Variants in ELAPOR2 observed in about 807,000 individuals in gnomAD.
The protein encoded by ELAPOR2 is endosome/lysosome-associated apoptosis and autophagy regulator family member 2.
ELAPOR2 carries 89 observed loss-of-function variants against 120.7 expected under a neutral mutation model. The observed-to-expected ratio is 0.74, with a 90% CI of 0.62 to 0.88. The LOEUF is 0.88. Ranked by LOEUF, ELAPOR2 falls within the 40% of genes least tolerant of loss-of-function variation. The pLI, the probability that ELAPOR2 is intolerant of heterozygous loss-of-function variation, is 0.00. For missense variants in ELAPOR2, 1,134 were observed against 1,251.6 expected (o/e 0.91, Z 1.42); for synonymous variants, 444 against 444.9 (o/e 1.00, Z 0.03).
chr7:86,989,530 G>C (rs986449054), intron 1 of ELAPOR2, among the ~76,000 whole-genome samples: 1 of 152,290 alleles, frequency 6.6e-6, no homozygotes, highest in East Asian at 1.9e-4. Context: ...GAAAACAGCC[G>C]TGCCACTGCC....
chr7:87,019,867 A>T (rs1362214733), intron 1 of ELAPOR2, among the ~76,000 whole-genome samples: 1 of 152,198 alleles, frequency 6.6e-6, no homozygotes, highest in African/African-American at 2.4e-5. Flanking sequence ...GTCAAAAGCT[A>T]AACTTTTATC....
intron 1 of ELAPOR2, among the ~76,000 whole-genome samples, chr7:87,032,418 A>G (rs541389984): frequency 6.6e-6 from 1 of 152,342 alleles, no homozygotes; most frequent in Non-Finnish European, 1.5e-5. Context: ...AAAAACAAAA[A>G]GATGTAAAAT....
At chr7:87,022,185 C>T (rs916931293) in intron 1 of ELAPOR2, among the ~76,000 whole-genome samples, 6 of 151,436 alleles carry the variant, frequency 4.0e-5, no homozygotes, top group African/African-American at 1.5e-4. Context: ...CCAATTAACT[C>T]GTCATTTAAC....
chr7:86,899,378 T>C (rs1188662864), intron 18 of ELAPOR2, among the ~76,000 whole-genome samples: 1 of 152,142 alleles, frequency 6.6e-6, no homozygotes, highest in Non-Finnish European at 1.5e-5. Context: ...GCCACATAAA[T>C]ATAGGCTTTG....
chr7:87,050,848 G>A (rs1795079378), intron 1 of ELAPOR2, among the ~76,000 whole-genome samples: 1 of 152,194 alleles, frequency 6.6e-6, no homozygotes, highest in Non-Finnish European at 1.5e-5. Flanking sequence ...TTGCTGATAG[G>A]ATGGATGTAG....
Position 86,907,736 on chromosome 7 carries a change from C to G in ELAPOR2, c.2492G>C (p.Arg831Pro). The change falls in exon 18 of 22, where the codon CGA (arginine) becomes CCA (proline). Residue 831 changes from arginine to proline, a missense_variant. Arg to Pro is a moderately radical substitution (Grantham distance 103). Around this residue, in one of 3 missense-constraint regions of ELAPOR2, gnomAD observed 831 missense variants for 867.6 expected, o/e 0.96. Coordinates refer to ENST00000450689, the MANE Select transcript of ELAPOR2 (RefSeq NM_001142749.3). ...ACACCTCATTTTCACAGCAGTTGATCGGCCATTAATACAAGATGTTGTTGC... is the reference window on the plus strand; with the variant it reads ...ACACCTCATTTTCACAGCAGTTGATGGGCCATTAATACAAGATGTTGTTGC... ...STATTSCINGRSTAVKMRCNP... is the reference protein window; with the variant it reads ...STATTSCINGPSTAVKMRCNP... 1 of 1,573,726 alleles carries G rather than the reference C, an allele frequency of 6.4e-7. No individual in the cohort carries two copies.
At chr7:87,022,154 G>C (rs1584003919) in intron 1 of ELAPOR2, among the ~76,000 whole-genome samples, 2 of 152,102 alleles carry the variant, frequency 1.3e-5, no homozygotes, top group East Asian at 3.9e-4. Context: ...ATGTATACAT[G>C]TGCCATGTTG....
chr7:86,905,578 A>C (rs974545032), intron 18 of ELAPOR2, among the ~76,000 whole-genome samples: 2 of 152,110 alleles, frequency 1.3e-5, no homozygotes, highest in African/African-American at 2.4e-5. Context: ...AGACTGTCAC[A>C]TTTTAAATTA....
At chr7:86,910,178 A>G (rs1031322156) in intron 15 of ELAPOR2, among the ~76,000 whole-genome samples, 177 bp from the exon 16 acceptor site, 3 of 152,072 alleles carry the variant, frequency 2.0e-5, no homozygotes, top group Non-Finnish European at 2.9e-5. Flanking sequence ...GCTCTCAAGG[A>G]AAGTCCAATA....
intron 2 of ELAPOR2, among the ~76,000 whole-genome samples, chr7:86,959,735 C>T (rs1344555677): frequency 1.3e-5 from 2 of 152,038 alleles, no homozygotes; most frequent in Non-Finnish European, 2.9e-5. Flanking sequence ...GTATTTTGCT[C>T]TAATCTTCAT....
rs191443090 is a variant in ELAPOR2, at chr7:86,889,100, G to A, written c.3030+2624C>T. Among the ~76,000 whole-genome samples, 95 of 152,172 alleles carry A rather than the reference G, an allele frequency of 6.2e-4. 2 individuals are homozygous for A. The highest frequency in any genetic ancestry group is 4.4e-5 in the Non-Finnish European group (3 of 67,978). On this transcript the variant is annotated intron_variant, in intron 21 of 21. Transcript: ENST00000450689. ...TAAAATTTGCCTTTGACCTTAGCTT[G>A]AAGTAATCAATTACACCACCTCAGC... is the stretch of plus-strand genomic sequence containing the variant.
chr7:86,997,312 G>GA (rs34802170), intron 1 of ELAPOR2, among the ~76,000 whole-genome samples: 33,414 of 151,964 alleles, frequency 0.22, 3,873 homozygotes, highest in African/African-American at 0.24. Flanking sequence ...ATCACAAAAA[G>GA]AAGCCACTAT....
At chr7:86,988,166 G>C (rs1792820304) in intron 1 of ELAPOR2, among the ~76,000 whole-genome samples, 1 of 152,100 alleles carries the variant, frequency 6.6e-6, no homozygotes, top group Non-Finnish European at 1.5e-5. Flanking sequence ...TTGGTCACAG[G>C]GTAGGGAATA....
chr7:86,946,159 TCACACACACA>T (rs3223108), intron 3 of ELAPOR2, among the ~76,000 whole-genome samples: 38 of 146,290 alleles, frequency 2.6e-4, no homozygotes, highest in Non-Finnish European at 2.1e-4. Context: ...ATACCATTTC[TCACACACACA>T]CACACACACA....
intron 1 of ELAPOR2, among the ~76,000 whole-genome samples, chr7:87,007,909 A>G (rs1279085053): frequency 6.6e-6 from 1 of 152,232 alleles, no homozygotes; most frequent in East Asian, 1.9e-4. Flanking sequence ...TTTCTTTTCA[A>G]TAGAAGGTCA....
intron 21 of ELAPOR2, among the ~76,000 whole-genome samples, chr7:86,890,972 T>C (rs1788130839): frequency 1.3e-5 from 2 of 152,032 alleles, no homozygotes; most frequent in South Asian, 4.1e-4. Flanking sequence ...CATTCTTTTT[T>C]AATCTTAAGT....
At chr7:86,964,112 G>A (rs538511003) in intron 2 of ELAPOR2, among the ~76,000 whole-genome samples, 2 of 152,114 alleles carry the variant, frequency 1.3e-5, no homozygotes. Flanking sequence ...TTTGGAAACA[G>A]AAAAACTAAG....
At chr7:86,986,836 G>T (rs894144859) in intron 1 of ELAPOR2, among the ~76,000 whole-genome samples, 55 of 149,838 alleles carry the variant, frequency 3.7e-4, no homozygotes, top group Non-Finnish European at 7.2e-4. Flanking sequence ...CACAGAATTG[G>T]AAAAAAACTA....
chr7:87,020,061 T>C (rs1793990611), intron 1 of ELAPOR2, among the ~76,000 whole-genome samples: 1 of 152,158 alleles, frequency 6.6e-6, no homozygotes, highest in South Asian at 2.1e-4. Flanking sequence ...TTCAGAAATG[T>C]TAAACAGTAA....
Sources: allele counts gnomAD v4.1 joint callset (sites outside exome capture counted in the v4.1 genomes callset), GRCh38; gene constraint gnomAD v4.1.1; regional missense constraint gnomAD v4.1.1; transcripts MANE v1.5; gene names NCBI Gene and HGNC (gene_info 2026-07-23, HGNC 2026-07-21).